The following NUP35 variants were observed in gnomAD, a reference collection of about 807,000 sequenced individuals.
NUP35 encodes the protein nucleoporin 35.
Under a neutral mutation model 41.5 loss-of-function variants are expected in NUP35, and 25 were observed. That is an observed-to-expected ratio of 0.60 (90% confidence interval 0.44 to 0.84). NUP35 has a LOEUF of 0.84. Ranked by LOEUF, NUP35 falls within the 40% of genes least tolerant of loss-of-function variation. The pLI, the probability that NUP35 is intolerant of heterozygous loss-of-function variation, is 0.00. For missense variants in NUP35, 396 were observed against 396.6 expected (o/e 1.00, Z 0.01); for synonymous variants, 149 against 130.7 (o/e 1.14, Z -0.96).
chr2:183,148,349 T>C (rs938977660), intron 4 of NUP35, among the ~76,000 whole-genome samples: 1 of 152,210 alleles, frequency 6.6e-6, no homozygotes, highest in African/African-American at 2.4e-5. Context: ...GATTGAATGG[T>C]AGTTCTATTT....
In NUP35 at chr2:183,157,474, A is replaced by G. The variant is rs779844924; in HGVS notation, c.570A>G (p.Leu190=). The change falls in exon 6 of 9, where the codon TTA becomes TTG. Residue 190 remains leucine (L), a synonymous_variant. Coordinates refer to ENST00000295119, the MANE Select transcript of NUP35 (RefSeq NM_138285.5). ...GFPQASASYI[L]LQFAQYGNIL... ...CTCAAGCATCTGCTTCCTACATATT[A>G]CTACAATTTGCACAGTATGGGAATA... 6.2e-7 allele frequency: 1 copy of G among 1,613,142 alleles called. No homozygotes were observed. The highest frequency in any genetic ancestry group is 8.5e-7 in the Non-Finnish European group (1 of 1,179,238).
rs767763806 is a variant in NUP35, at chr2:183,151,584, T to A, written c.474T>A (p.Phe158Leu). 6.2e-6 allele frequency: 10 copies of A among 1,613,912 alleles called. No homozygotes were observed. The South Asian group carries it at 1.1e-4, about 18-fold the overall frequency. The change falls in exon 5 of 9, where the codon TTT (phenylalanine) becomes TTA (leucine). Residue 158 changes from phenylalanine (F) to leucine (L), a missense_variant. Physicochemically the swap from Phe to Leu is conservative, Grantham distance 22. Coordinates refer to ENST00000295119, the MANE Select transcript of NUP35 (RefSeq NM_138285.5). Reference sequence around the variant, plus strand: ...TATCTCCTGCCCAGTTGGATCCTTTTTATACTCAAGGAGATTCTTTGACTT... The same window carrying A: ...TATCTCCTGCCCAGTTGGATCCTTTATATACTCAAGGAGATTCTTTGACTT... ...TTLSPAQLDP[F>L]YTQGDSLTSE...
chr2:183,138,924 C>T (rs1020054288), intron 4 of NUP35, among the ~76,000 whole-genome samples: 75 of 152,232 alleles, frequency 4.9e-4, no homozygotes, highest in African/African-American at 1.8e-3. Context: ...AGGGACTCTT[C>T]TTTTTCTGGT....
intron 3 of NUP35, chr2:183,131,190 T>G: frequency 5.5e-6 from 1 of 180,290 alleles, no homozygotes; most frequent in South Asian, 1.1e-4. Flanking sequence ...CAGGTGATCC[T>G]TGCACCTTGA....
intron 1 of NUP35, 50 bp downstream of exon 1, chr2:183,124,547 G>A: frequency 6.2e-7 from 1 of 1,610,764 alleles, no homozygotes; most frequent in African/African-American, 1.3e-5. Flanking sequence ...CATGCTCTGG[G>A]CCTGGAGGCG....
intron 5 of NUP35, among the ~76,000 whole-genome samples, chr2:183,154,067 T>TC (rs36095842): frequency 0.51 from 77,665 of 152,048 alleles, 21,206 homozygotes; most frequent in East Asian, 0.77. Context: ...CTCTACATTG[T>TC]CCCCTTTCAG....
chr2:183,155,125 A>T (rs1429161840), intron 5 of NUP35, among the ~76,000 whole-genome samples: 4 of 152,166 alleles, frequency 2.6e-5, no homozygotes, highest in African/African-American at 4.8e-5. Flanking sequence ...TCAAGTTGAG[A>T]TTTGGTTGGA....
chr2:183,137,454 A>G (rs2105565898), intron 4 of NUP35, among the ~76,000 whole-genome samples: 1 of 152,256 alleles, frequency 6.6e-6, no homozygotes, highest in East Asian at 1.9e-4. Flanking sequence ...GCATGGTGGC[A>G]CACACCTGTA....
intron 4 of NUP35, among the ~76,000 whole-genome samples, chr2:183,150,857 C>T (rs1285616388): frequency 6.6e-6 from 1 of 152,166 alleles, no homozygotes; most frequent in Non-Finnish European, 1.5e-5. Context: ...TTGCTTCTCT[C>T]AAATGTATAG....
intron 2 of NUP35, 65 bp downstream of exon 2, chr2:183,128,522 T>A: frequency 8.3e-7 from 1 of 1,204,064 alleles, no homozygotes; most frequent in Non-Finnish European, 1.2e-6. Flanking sequence ...ATTTTTTGGC[T>A]TCCCTGAACC....
At position 183,124,599 on chromosome 2, in the gene NUP35, T is replaced by G. The variant is rs1700122489; in HGVS notation, c.40+102T>G. 2.7e-6 allele frequency: 4 copies of G among 1,483,920 alleles called. No individual in the cohort carries two copies. The East Asian group carries it at 6.8e-5, about 25-fold the overall frequency. The allele number at this position is 1,483,920 out of a possible 1,614,324, so 91.9% of individuals were successfully genotyped here. ...AGTCGTCAGGCTCTCGTCTGCTGGTTTCAGTCGCGGAGAGGGAATCCTTGG... is the reference window on the plus strand; with the variant it reads ...AGTCGTCAGGCTCTCGTCTGCTGGTGTCAGTCGCGGAGAGGGAATCCTTGG... On this transcript the variant is annotated intron_variant, in intron 1 of 8. Coordinates refer to ENST00000295119, the MANE Select transcript of NUP35 (RefSeq NM_138285.5).
chr2:183,157,822 G>A (rs1243059813), intron 6 of NUP35, among the ~76,000 whole-genome samples: 1 of 152,078 alleles, frequency 6.6e-6, no homozygotes, highest in African/African-American at 2.4e-5. Flanking sequence ...TCCAATTTGA[G>A]CTGCTTTTAT....
chr2:183,153,526 C>T (rs1174559497), intron 5 of NUP35, among the ~76,000 whole-genome samples: 2 of 152,154 alleles, frequency 1.3e-5, no homozygotes, highest in African/African-American at 4.8e-5. Context: ...CATGCAAGTT[C>T]AAAATCCAGA....
intron 2 of NUP35, 52 bp from the exon 3 acceptor site, chr2:183,130,366 T>C (rs1007697458): frequency 1.7e-5 from 25 of 1,501,790 alleles, no homozygotes; most frequent in Non-Finnish European, 2.2e-5. Flanking sequence ...ATTTAAAAAA[T>C]CTTACCAAAA....
chr2:183,159,565 T>A lies in NUP35; in HGVS notation c.816T>A (p.Gly272=), dbSNP rs1226793767. The A allele has an allele frequency of 1.2e-6, 2 of 1,613,656 alleles. No homozygotes were observed. The highest frequency in any genetic ancestry group is 1.7e-6 in the Non-Finnish European group (2 of 1,179,722). ...TTACACCACCAATCAAAACTCTAGG[T>A]ACACCAACACAACCTGGAAGTACTC... The part of the protein sequence containing the change: ...LAFTPPIKTL[G]TPTQPGSTPR... Residue 272 remains glycine, a synonymous_variant, in exon 8 of 9, where the codon GGT becomes GGA. Transcript: ENST00000295119.
intron 4 of NUP35, among the ~76,000 whole-genome samples, chr2:183,140,604 C>T (rs913830584): frequency 2.6e-5 from 4 of 151,764 alleles, no homozygotes; most frequent in African/African-American, 9.7e-5. Context: ...GGTAGATCAC[C>T]TGAGGTCAGG....
intron 8 of NUP35, 92 bp from the exon 9 acceptor site, chr2:183,160,962 G>A (rs747590153): frequency 3.8e-5 from 33 of 863,442 alleles, no homozygotes; most frequent in Non-Finnish European, 5.9e-5. Flanking sequence ...ATGCATTTTG[G>A]TGTTTCTCTT....
At chr2:183,139,295 C>T (rs1684999924) in intron 4 of NUP35, among the ~76,000 whole-genome samples, 1 of 150,338 alleles carries the variant, frequency 6.7e-6, no homozygotes, top group Admixed American at 6.7e-5. Flanking sequence ...CAGCCTTAAA[C>T]TCCCAGGCTC....
intron 4 of NUP35, among the ~76,000 whole-genome samples, chr2:183,140,972 T>A (rs1380855645): frequency 6.6e-6 from 1 of 152,252 alleles, no homozygotes; most frequent in Non-Finnish European, 1.5e-5. Context: ...ATTAGTTTAC[T>A]CTTGCCATTG....
Sources: gnomAD v4.1 joint callset for allele counts (sites outside exome capture counted in the v4.1 genomes callset) on GRCh38, gnomAD v4.1.1 for gene constraint, MANE v1.5 for transcripts, NCBI Gene and HGNC (gene_info 2026-07-23, HGNC 2026-07-21) for gene names.